CTNNA3: variants seen among roughly 807,000 people sequenced by gnomAD.
The protein encoded by CTNNA3 is catenin alpha-3.
Under a neutral mutation model 95.7 loss-of-function variants are expected in CTNNA3, and 76 were observed. That is an observed-to-expected ratio of 0.79 (90% CI 0.66 to 0.96). CTNNA3 has a LOEUF of 0.96. CTNNA3 is among the 40% of genes least tolerant of loss of function. The pLI, the probability that CTNNA3 is intolerant of heterozygous loss-of-function variation, is 0.00. For synonymous variants in CTNNA3, 431 were observed against 374.4 expected, an observed-to-expected ratio of 1.15 and a Z score of -1.74; for missense variants, 1,191 against 1,089.8, an observed-to-expected ratio of 1.09 and a Z score of -1.31.
chr10:66,255,291 C>A (rs563799897), intron 13 of CTNNA3, among the ~76,000 whole-genome samples: 1 of 152,168 alleles, frequency 6.6e-6, no homozygotes. Flanking sequence ...CAAAATCCCT[C>A]GCAGGCACTT....
chr10:67,142,177 A>G (rs1216996556), intron 7 of CTNNA3, among the ~76,000 whole-genome samples: 3 of 152,128 alleles, frequency 2.0e-5, no homozygotes, highest in African/African-American at 4.8e-5. Context: ...GGTGAGAGGA[A>G]AAAAAAGAGA....
At chr10:66,445,726 G>C (rs1478363730) in intron 11 of CTNNA3, among the ~76,000 whole-genome samples, 3 of 151,428 alleles carry the variant, frequency 2.0e-5, no homozygotes, top group Admixed American at 6.6e-5. Flanking sequence ...AAGCAGGAAA[G>C]ATCCAAAATT....
chr10:66,102,049 G>A (rs947576612), intron 14 of CTNNA3, among the ~76,000 whole-genome samples: 5 of 152,040 alleles, frequency 3.3e-5, no homozygotes, highest in Non-Finnish European at 2.9e-5. Context: ...TGCTTGAAAT[G>A]TTTCTGCAGA....
At chr10:66,904,344 T>C (rs1044331383) in intron 7 of CTNNA3, among the ~76,000 whole-genome samples, 3 of 152,162 alleles carry the variant, frequency 2.0e-5, no homozygotes, top group Non-Finnish European at 2.9e-5. Flanking sequence ...ATCCCTTCCT[T>C]ACATCTTATA....
chr10:66,506,130 C>T (rs1469406359), intron 11 of CTNNA3, among the ~76,000 whole-genome samples: 1 of 152,060 alleles, frequency 6.6e-6, no homozygotes, highest in Admixed American at 6.6e-5. Flanking sequence ...ATAACCTGCC[C>T]TTGCAGGAAT....
chr10:66,904,228 C>G (rs960841079), intron 7 of CTNNA3, among the ~76,000 whole-genome samples: 3 of 152,160 alleles, frequency 2.0e-5, no homozygotes, highest in Non-Finnish European at 4.4e-5. Flanking sequence ...CCACAGCCAT[C>G]TGATCTTTGA....
chr10:67,669,061 A>G (rs189548119), intron 1 of CTNNA3, among the ~76,000 whole-genome samples: 192 of 152,074 alleles, frequency 1.3e-3, no homozygotes, highest in African/African-American at 4.4e-3. Flanking sequence ...GCTAGTCTCG[A>G]ACTCCTGACC....
At chr10:67,119,430 A>C (rs911537723) in intron 7 of CTNNA3, among the ~76,000 whole-genome samples, 1 of 151,964 alleles carries the variant, frequency 6.6e-6, no homozygotes, top group African/African-American at 2.4e-5. Flanking sequence ...AAACTCATTA[A>C]TTAAAGCCAA....
At chr10:66,047,402 A>G (rs920050083) in intron 15 of CTNNA3, among the ~76,000 whole-genome samples, 1 of 152,220 alleles carries the variant, frequency 6.6e-6, no homozygotes, top group African/African-American at 2.4e-5. Flanking sequence ...CAATAGATGA[A>G]GAAAAGGCTT....
intron 5 of CTNNA3, among the ~76,000 whole-genome samples, chr10:67,228,393 T>G (rs1313991328): frequency 2.6e-5 from 4 of 151,928 alleles, no homozygotes; most frequent in Non-Finnish European, 5.9e-5. Context: ...GGCGGGCAGA[T>G]TACAAGGTCA....
chr10:66,520,532 A>T (rs1297786961), intron 11 of CTNNA3, 85 bp downstream of exon 11: 2 of 1,271,602 alleles, frequency 1.6e-6, no homozygotes, highest in Non-Finnish European at 2.1e-6. Flanking sequence ...CATTACAGGC[A>T]TGAGCCACCA....
Position 66,047,034 on chromosome 10 carries a change from G to A in CTNNA3, c.2159+22274C>T, listed in dbSNP as rs765640241. Among the ~76,000 whole-genome samples, 7 of 152,014 alleles carry A rather than the reference G, an allele frequency of 4.6e-5. No homozygotes were observed. The South Asian group carries it at 8.3e-4, about 18-fold the overall frequency. On this transcript the variant is annotated intron_variant, in intron 15 of 17. Transcript: ENST00000433211. ...CCCAGGACCTGATGGAAACACAGCC[G>A]AATTCTACTAGATGTACAAAGAAGA... is the stretch of plus-strand genomic sequence containing the variant.
At chr10:66,944,150 CA>C (rs1166795487) in intron 7 of CTNNA3, among the ~76,000 whole-genome samples, 1 of 152,208 alleles carries the variant, frequency 6.6e-6, no homozygotes, top group African/African-American at 2.4e-5. Context: ...GAACTTCTTT[CA>C]AAATTGAAGT....
chr10:67,390,938 C>T (rs1048722245), intron 5 of CTNNA3, among the ~76,000 whole-genome samples: 3 of 152,014 alleles, frequency 2.0e-5, no homozygotes, highest in African/African-American at 7.3e-5. Context: ...GACAAACCCA[C>T]AGCCAATATC....
chr10:66,537,482 C>T (rs1841700386), intron 10 of CTNNA3, among the ~76,000 whole-genome samples: 1 of 151,848 alleles, frequency 6.6e-6, no homozygotes, highest in South Asian at 2.1e-4. Flanking sequence ...GTGAGATAAA[C>T]TCAAGGCAAA....
chr10:66,983,317 G>A (rs1250381075), intron 7 of CTNNA3, among the ~76,000 whole-genome samples: 1 of 152,046 alleles, frequency 6.6e-6, no homozygotes, highest in African/African-American at 2.4e-5. Flanking sequence ...ATAAGACCCT[G>A]GTGCATTATG....
At chr10:66,605,837 C>T (rs1844102056) in intron 10 of CTNNA3, among the ~76,000 whole-genome samples, 1 of 152,136 alleles carries the variant, frequency 6.6e-6, no homozygotes, top group Non-Finnish European at 1.5e-5. Context: ...TGTTACCAGC[C>T]ACTACAAAAA....
chr10:65,996,199 T>A (rs2078654626), intron 15 of CTNNA3, among the ~76,000 whole-genome samples: 1 of 152,268 alleles, frequency 6.6e-6, no homozygotes, highest in African/African-American at 2.4e-5. Context: ...GAGCCAGTCT[T>A]CAGAGCATGT....
intron 5 of CTNNA3, among the ~76,000 whole-genome samples, chr10:67,322,926 G>C (rs997881086): frequency 6.6e-6 from 1 of 152,188 alleles, no homozygotes; most frequent in Non-Finnish European, 1.5e-5. Flanking sequence ...ACTGGTGTGA[G>C]ATGATACCTC....
Sources: allele counts gnomAD v4.1 joint callset (sites outside exome capture counted in the v4.1 genomes callset), GRCh38; gene constraint gnomAD v4.1.1; transcripts MANE v1.5; gene names NCBI Gene and HGNC (gene_info 2026-07-23, HGNC 2026-07-21).